The following HPCAL1 variants were observed in gnomAD, a reference collection of about 807,000 sequenced individuals.
The protein encoded by HPCAL1 is hippocalcin like 1, also known as hippocalcin-like protein 1.
Under a neutral mutation model 17.1 loss-of-function variants are expected in HPCAL1, and 8 were observed. The observed-to-expected ratio is 0.47, with a 90% confidence interval of 0.27 to 0.84. The LOEUF (loss-of-function observed/expected upper bound fraction) is 0.84. HPCAL1 is among the 40% of genes least tolerant of loss of function. The pLI is 0.13. For synonymous variants in HPCAL1, 112 were observed against 111.4 expected, an observed-to-expected ratio of 1.01 and a Z score of -0.03; for missense variants, 165 against 271.1, an observed-to-expected ratio of 0.61 and a Z score of 2.75.
chr2:10,359,650 G>A lies in HPCAL1; in HGVS notation c.-110-37185G>A, dbSNP rs1666400417. On this transcript the variant is annotated intron_variant, in intron 1 of 4. Transcript: ENST00000307845. The surrounding 1 kb of genome is among the most constrained non-coding windows in gnomAD (Gnocchi z 4.1). ...GGACCAAGCTCTGGTGGCCTTCCAG[G>A]CCCACTCAGTGGCTGGCGGTCCCAC... Among the ~76,000 whole-genome samples, 1 of 152,212 alleles carries A rather than the reference G, an allele frequency of 6.6e-6. No homozygotes were observed. The highest frequency in any genetic ancestry group is 1.5e-5 in the Non-Finnish European group (1 of 68,030).
chr2:10,422,177 C>T lies in HPCAL1; in HGVS notation c.379-806C>T, dbSNP rs562456444. Among the ~76,000 whole-genome samples, 18 of 152,344 alleles carry T rather than the reference C, an allele frequency of 1.2e-4. No homozygotes were observed. The East Asian group carries it at 2.5e-3, about 21-fold the overall frequency. On this transcript the variant is annotated intron_variant, in intron 3 of 4. Transcript: ENST00000307845. Reference sequence around the variant, plus strand: ...CCTGAAAGCCTTCCCCCGACGCCATCGATGGCTCCCTGGCCGGCTGGGTGG... The same window carrying T: ...CCTGAAAGCCTTCCCCCGACGCCATTGATGGCTCCCTGGCCGGCTGGGTGG...
At chr2:10,349,422 T>C (rs900932115) in intron 1 of HPCAL1, among the ~76,000 whole-genome samples, 2 of 151,960 alleles carry the variant, frequency 1.3e-5, no homozygotes, top group East Asian at 1.9e-4. Flanking sequence ...AAAAATGATA[T>C]AGACGCCGGG....
intron 2 of HPCAL1, among the ~76,000 whole-genome samples, chr2:10,404,120 T>C (rs1355496034): frequency 2.0e-5 from 3 of 152,210 alleles, no homozygotes; most frequent in Admixed American, 6.5e-5. Flanking sequence ...GCCCAGAGGT[T>C]TGTAGCAGGG....
intron 1 of HPCAL1, among the ~76,000 whole-genome samples, chr2:10,375,008 C>T (rs978787792): frequency 1.3e-5 from 2 of 152,148 alleles, no homozygotes; most frequent in Non-Finnish European, 2.9e-5. Flanking sequence ...AGGAGTAGGC[C>T]TTGGCAGAGA....
At chr2:10,423,169 C>T (rs1671176989) in intron 4 of HPCAL1, 81 bp downstream of exon 4, 4 of 1,071,320 alleles carry the variant, frequency 3.7e-6, no homozygotes, top group Non-Finnish European at 5.7e-6. Flanking sequence ...CCCCTCCCCT[C>T]TGCAGCTTCT....
chr2:10,401,757 G>C (rs1669626300), intron 2 of HPCAL1, among the ~76,000 whole-genome samples: 1 of 152,178 alleles, frequency 6.6e-6, no homozygotes, highest in Admixed American at 6.5e-5. Flanking sequence ...TCTGTCCTTG[G>C]GAAAAGGGTC....
rs533724873 is a variant in HPCAL1 at position 10,415,397 on chromosome 2, C to G, written c.-24-4337C>G. Among the ~76,000 whole-genome samples the G allele has an allele frequency of 4.7e-4, 72 of 152,248 alleles. 1 individual carries two copies. Among genetic ancestry groups the G allele is most frequent in the African/African-American group, 1.7e-3 (71 of 41,534 alleles). ...CCCCATCCCTCCCTTCCCATAAAAC[C>G]AGTTATTCCTCATCCTCATAAGCGC... On this transcript the variant is annotated intron_variant, in intron 2 of 4. Coordinates refer to ENST00000307845, the MANE Select transcript of HPCAL1 (RefSeq NM_002149.4).
At chr2:10,340,525 G>A (rs919135418) in intron 1 of HPCAL1, among the ~76,000 whole-genome samples, 5 of 152,312 alleles carry the variant, frequency 3.3e-5, no homozygotes, top group South Asian at 4.1e-4. Context: ...GTAGGAGGGC[G>A]CAGGAACATC....
chr2:10,327,831 C>T (rs1162016525), intron 1 of HPCAL1, among the ~76,000 whole-genome samples: 1 of 152,206 alleles, frequency 6.6e-6, no homozygotes, highest in Non-Finnish European at 1.5e-5. Context: ...CTGTGTAGCA[C>T]TTTCTGCAGA....
At chr2:10,389,594 G>A (rs1200751040) in intron 1 of HPCAL1, among the ~76,000 whole-genome samples, 3 of 152,242 alleles carry the variant, frequency 2.0e-5, no homozygotes, top group Non-Finnish European at 4.4e-5. Flanking sequence ...GTTTGTTATT[G>A]AAGCCACCCA....
intron 2 of HPCAL1, chr2:10,408,489 G>C (rs1229771823): frequency 6.6e-6 from 1 of 152,222 alleles, no homozygotes; most frequent in African/African-American, 2.4e-5. Flanking sequence ...TTGGGTTTAG[G>C]TGCAGGCACG....
chr2:10,376,840 C>T (rs13392536), intron 1 of HPCAL1, among the ~76,000 whole-genome samples: 5,354 of 131,534 alleles, frequency 0.041, 862 homozygotes, highest in African/African-American at 0.18. Flanking sequence ...CAATACATAC[C>T]GTATTGTATT....
At chr2:10,355,851 G>A (rs1197868186) in intron 1 of HPCAL1, among the ~76,000 whole-genome samples, 1 of 152,042 alleles carries the variant, frequency 6.6e-6, no homozygotes, top group Non-Finnish European at 1.5e-5. Context: ...ACAGGGCATG[G>A]CTATGAGGGT....
chr2:10,345,170 T>C (rs1178834621), intron 1 of HPCAL1, among the ~76,000 whole-genome samples: 1 of 152,062 alleles, frequency 6.6e-6, no homozygotes, highest in Non-Finnish European at 1.5e-5. Flanking sequence ...TCTGTTTCAA[T>C]CTCTCTATCT....
chr2:10,420,473 GGTGTGAGCCACCGT>G (rs1670994734), intron 3 of HPCAL1, among the ~76,000 whole-genome samples: 1 of 152,084 alleles, frequency 6.6e-6, no homozygotes, highest in Admixed American at 6.6e-5. Context: ...TAGAATGACA[GGTGTGAGCCACCGT>G]GCCTGGCCTC....
chr2:10,316,896 T>C lies in HPCAL1; in HGVS notation c.-111+13719T>C, dbSNP rs549811700. 9.8e-5 allele frequency among the ~76,000 whole-genome samples: 15 copies of C among 152,304 alleles called. No individual in the cohort carries two copies. The East Asian group carries it at 1.3e-3, about 14-fold the overall frequency. ...ATTTTCAGCAAAATTCTATCACGTC[T>C]GGTAAATAATTTCAGGATCTTTACC... On this transcript the variant is annotated intron_variant, in intron 1 of 4. Coordinates refer to ENST00000307845, the MANE Select transcript of HPCAL1 (RefSeq NM_002149.4).
In HPCAL1 at chr2:10,397,758, C is replaced by T. The variant is rs1386043285; in HGVS notation, c.-25+838C>T. 1.3e-5 allele frequency among the ~76,000 whole-genome samples: 2 copies of T among 152,306 alleles called. 1 individual carries two copies. Among genetic ancestry groups the T allele is most frequent in the East Asian group, 3.9e-4 (2 of 5,182 alleles). The stretch of plus-strand genomic sequence containing the variant: ...GAGACAGGAAGGCCTGGCCATGTCC[C>T]GGGGCTGCCCTCGGGTCTGGAGAGC... On this transcript the variant is annotated intron_variant, in intron 2 of 4. Transcript: ENST00000307845.
intron 1 of HPCAL1, among the ~76,000 whole-genome samples, chr2:10,319,727 G>A (rs923979804): frequency 2.0e-5 from 3 of 151,886 alleles, no homozygotes; most frequent in African/African-American, 7.3e-5. Flanking sequence ...CCTTGGTGGA[G>A]CTCCCATTCA....
intron 1 of HPCAL1, among the ~76,000 whole-genome samples, chr2:10,371,267 A>G (rs1007850188): frequency 1.3e-5 from 2 of 152,112 alleles, no homozygotes; most frequent in African/African-American, 4.8e-5. Context: ...GTCTCCTTGG[A>G]GGTGACTGTG....
Sources: allele counts gnomAD v4.1 joint callset (sites outside exome capture counted in the v4.1 genomes callset), GRCh38; gene constraint gnomAD v4.1.1; non-coding constraint Gnocchi (gnomAD v3.1); transcripts MANE v1.5; gene names NCBI Gene and HGNC (gene_info 2026-07-23, HGNC 2026-07-21).